Variants in ZNF638 observed in about 807,000 individuals in gnomAD.
The protein encoded by ZNF638 is zinc finger protein 638.
In ZNF638, 46 loss-of-function variants were observed where a neutral mutation model predicts 195.6. The ratio of observed to expected loss-of-function variants is 0.24; its 90% CI spans 0.19 to 0.30. The LOEUF (loss-of-function observed/expected upper bound fraction) is 0.30, where lower values mean the gene tolerates loss of function less well. Among genes scored for constraint, ZNF638 ranks in the 10% least tolerant of loss-of-function variants. The probability of loss-of-function intolerance (pLI) is 1.00; values close to 1 mark genes in which losing one functional copy is unlikely to be tolerated. For synonymous variants in ZNF638, 845 were observed against 772.0 expected (o/e 1.09, Z -1.57); for missense variants, 2,440 against 2,325.3 (o/e 1.05, Z -1.01).
At chr2:71,405,079 T>A (rs1291625640) in intron 17 of ZNF638, among the ~76,000 whole-genome samples, 1 of 151,956 alleles carries the variant, frequency 6.6e-6, no homozygotes. Flanking sequence ...GGATCCTCAG[T>A]CTTATAAAGT....
Position 71,427,275 on chromosome 2 carries a change from C to G in ZNF638, c.5406C>G (p.Pro1802=). 6.2e-7 allele frequency: 1 copy of G among 1,613,222 alleles called. No homozygotes were observed. Among genetic ancestry groups the G allele is most frequent in the Non-Finnish European group, 8.5e-7 (1 of 1,179,832 alleles). ...TAGCACAAAGCAAAAATGACCATCC[C>G]ACAGATAAAAAAGGGAATAGAAAGA... The part of the protein sequence containing the change: ...VELAQSKNDH[P]TDKKGNRKKR... Residue 1802 remains proline (P), a synonymous_variant, in exon 24 of 28, where the codon CCC becomes CCG. Transcript: ENST00000264447.
intron 3 of ZNF638, among the ~76,000 whole-genome samples, chr2:71,360,191 G>GA (rs749410826): frequency 1.6e-4 from 24 of 152,140 alleles, no homozygotes; most frequent in Admixed American, 3.3e-4. Context: ...GAAAAAGGAA[G>GA]AAAAACATTT....
chr2:71,350,291 G>T lies in ZNF638; in HGVS notation c.1317+20G>T. On this transcript the variant is annotated intron_variant, in intron 2 of 27. Transcript: ENST00000264447. ...TTGAAGGTGAGTGTTTTTAAAAAAA[G>T]ATCACTGTATAATGATGCTCAGCGC... 3 of 1,592,766 alleles carry T rather than the reference G, an allele frequency of 1.9e-6. No homozygotes were observed. The highest frequency in any genetic ancestry group is 2.2e-5 in the East Asian group (1 of 44,810).
chr2:71,427,260 C>G lies in ZNF638; in HGVS notation c.5391C>G (p.Ser1797Arg). 1.2e-6 allele frequency: 2 copies of G among 1,612,728 alleles called. No individual in the cohort carries two copies. Among genetic ancestry groups the G allele is most frequent in the African/African-American group, 2.7e-5 (2 of 74,840 alleles). The change falls in exon 24 of 28, where the codon AGC (serine) becomes AGG (arginine). Residue 1797 changes from serine to arginine, a missense_variant. Transcript: ENST00000264447. ...ATTTAAAAGTTGAGTTAGCACAAAG[C>G]AAAAATGACCATCCCACAGATAAAA... is the stretch of plus-strand genomic sequence containing the variant. ...DNDLKVELAQSKNDHPTDKKG... is the reference protein window; with the variant it reads ...DNDLKVELAQRKNDHPTDKKG...
rs548281803 is a variant in ZNF638, at chr2:71,338,295, A to G, written c.-203+6420A>G. On this transcript the variant is annotated intron_variant, in intron 1 of 27. Coordinates refer to ENST00000264447, the MANE Select transcript of ZNF638 (RefSeq NM_014497.5). ...TTTTCTACTCCAACTGTTATTCTAC[A>G]TTTAGTAGTAGGTACTCAGCACTCT... 1.3e-3 allele frequency among the ~76,000 whole-genome samples: 202 copies of G among 152,316 alleles called. 1 individual carries two copies. Among genetic ancestry groups the G allele is most frequent in the African/African-American group, 4.7e-3 (194 of 41,570 alleles).
chr2:71,423,259 G>A lies in ZNF638; in HGVS notation c.3745G>A (p.Asp1249Asn). Residue 1249 changes from aspartate (D) to asparagine (N), a missense_variant, in exon 22 of 28, where the codon GAT becomes AAT. Asp to Asn is a conservative substitution (Grantham distance 23). Around this residue, in one of 5 missense-constraint regions of ZNF638, gnomAD observed 1,883 missense variants for 1,739.1 expected, o/e 1.08. Coordinates refer to ENST00000264447, the MANE Select transcript of ZNF638 (RefSeq NM_014497.5). ...ILEESPSEAE[D>N]FISGITQTMV... ...AGAAGAATCTCCATCTGAAGCAGAAGATTTCATTTCTGGAATTACACAGAC... is the reference window on the plus strand; with the variant it reads ...AGAAGAATCTCCATCTGAAGCAGAAAATTTCATTTCTGGAATTACACAGAC... 6.2e-7 allele frequency: 1 copy of A among 1,614,050 alleles called. No individual in the cohort carries two copies. Among genetic ancestry groups the A allele is most frequent in the Non-Finnish European group, 8.5e-7 (1 of 1,179,974 alleles).
rs891480087 is a variant in ZNF638 at position 71,365,579 on chromosome 2, C to G, written c.1868C>G (p.Thr623Arg). Residue 623 changes from threonine (T) to arginine (R), a missense_variant, in exon 6 of 28, where the codon ACA (threonine) becomes AGA (arginine). Transcript: ENST00000264447. ...GGAACAAAACCATCAGTTAAACCTACAAGCGCTACAAAGAGTGATTCAAAT... is the reference window on the plus strand; with the variant it reads ...GGAACAAAACCATCAGTTAAACCTAGAAGCGCTACAAAGAGTGATTCAAAT... ...SSGTKPSVKP[T>R]SATKSDSNLG... 8 of 1,614,136 alleles carry G rather than the reference C, an allele frequency of 5.0e-6. No individual in the cohort carries two copies. Among genetic ancestry groups the G allele is most frequent in the Non-Finnish European group, 6.8e-6 (8 of 1,180,020 alleles).
intron 21 of ZNF638, among the ~76,000 whole-genome samples, chr2:71,419,554 C>G (rs144078347): frequency 6.6e-6 from 1 of 151,948 alleles, no homozygotes; most frequent in Non-Finnish European, 1.5e-5. Context: ...TAAAATATAC[C>G]AGTAACATTA....
rs2080501014 is a variant in ZNF638, at chr2:71,424,672, A to G, written c.4547A>G (p.Lys1516Arg). ...NNKTLAEQNT[K>R]NPKSTTGRSS... Reference sequence around the variant, plus strand: ...CAGACTTTGGCTGAGCAAAACACTAAGAATCCTAAAAGCACTACTGGTAGA... The same window carrying G: ...CAGACTTTGGCTGAGCAAAACACTAGGAATCCTAAAAGCACTACTGGTAGA... The change falls in exon 23 of 28, where the codon AAG becomes AGG. Residue 1516 changes from lysine to arginine, a missense_variant. Around this residue, in one of 5 missense-constraint regions of ZNF638, gnomAD observed 1,883 missense variants for 1,739.1 expected, o/e 1.08. Transcript: ENST00000264447. 2 of 1,613,342 alleles carry G rather than the reference A, an allele frequency of 1.2e-6. No individual in the cohort carries two copies. The highest frequency in any genetic ancestry group is 2.2e-5 in the South Asian group (2 of 90,902).
chr2:71,395,599 C>T lies in ZNF638; in HGVS notation c.2378-542C>T, dbSNP rs987740472. On this transcript the variant is annotated intron_variant, in intron 10 of 27. Transcript: ENST00000264447. The stretch of plus-strand genomic sequence containing the variant: ...ATTGCGCGCAGGACTGCTCCCAAGG[C>T]GGTGGGGGTGACAATTACCTACAGA... 26 of 559,978 alleles carry T rather than the reference C, an allele frequency of 4.6e-5. 1 individual carries two copies. Among genetic ancestry groups the T allele is most frequent in the Admixed American group, 1.1e-4 (5 of 44,588 alleles). 34.7% of individuals were successfully genotyped at this position (559,978 alleles called of 1,614,324 possible). A position where few individuals can be genotyped will look rare whatever the true frequency, so the allele number is the denominator to read the frequency against.
intron 20 of ZNF638, among the ~76,000 whole-genome samples, chr2:71,411,472 TAA>T (rs2080223684): frequency 1.8e-4 from 16 of 88,552 alleles, no homozygotes; most frequent in Non-Finnish European, 1.7e-4. Flanking sequence ...TTTTTATTTT[TAA>T]TTTTTTTTTT....
rs2080553750 is a variant in ZNF638 at position 71,427,047 on chromosome 2, G to C, written c.5178G>C (p.Val1726=). Residue 1726 remains valine (V), a synonymous_variant, in exon 24 of 28, where the codon GTG becomes GTC. Coordinates refer to ENST00000264447, the MANE Select transcript of ZNF638 (RefSeq NM_014497.5). Reference sequence around the variant, plus strand: ...CCATTGGCTTCATTTCTTCTCAGGTGCCCGAAGACCCTTCTACTTTAGTTA... The same window carrying C: ...CCATTGGCTTCATTTCTTCTCAGGTCCCCGAAGACCCTTCTACTTTAGTTA... ...RDSIGFISSQ[V]PEDPSTLVTV... is the part of the protein sequence containing the mutation. 1 of 1,613,668 alleles carries C rather than the reference G, an allele frequency of 6.2e-7. No homozygotes were observed. Among genetic ancestry groups the C allele is most frequent in the Non-Finnish European group, 8.5e-7 (1 of 1,179,880 alleles).
chr2:71,345,008 T>C (rs950087389), intron 1 of ZNF638, among the ~76,000 whole-genome samples: 4 of 152,202 alleles, frequency 2.6e-5, no homozygotes, highest in African/African-American at 7.2e-5. Context: ...ATGGCTATAC[T>C]TTCTGCAGTT....
chr2:71,351,010 TCATTGGTAG>T (rs1336944786), intron 2 of ZNF638, among the ~76,000 whole-genome samples: 1 of 152,226 alleles, frequency 6.6e-6, no homozygotes, highest in East Asian at 1.9e-4. Context: ...TCAGTCGTAA[TCATTGGTAG>T]ATTTGAGCAG....
chr2:71,366,045 A>G (rs1409365689), intron 6 of ZNF638, among the ~76,000 whole-genome samples: 5 of 152,204 alleles, frequency 3.3e-5, no homozygotes, highest in Admixed American at 1.3e-4. Flanking sequence ...TACATTTGCT[A>G]TGACAAACAG....
At chr2:71,388,587 G>A (rs1046589235) in intron 10 of ZNF638, 1 of 773,412 alleles carries the variant, frequency 1.3e-6, no homozygotes. Context: ...CAAAATACCT[G>A]TGTCTGCGTA....
chr2:71,355,383 T>G (rs368682136), intron 2 of ZNF638, among the ~76,000 whole-genome samples: 1 of 152,148 alleles, frequency 6.6e-6, no homozygotes, highest in Non-Finnish European at 1.5e-5. Flanking sequence ...TTCTGGTGTG[T>G]TGTTTTTATA....
At chr2:71,355,282 G>A (rs1364980215) in intron 2 of ZNF638, among the ~76,000 whole-genome samples, 1 of 152,156 alleles carries the variant, frequency 6.6e-6, no homozygotes, top group Non-Finnish European at 1.5e-5. Context: ...GATGTTGTTA[G>A]CGTGAATTTT....
intron 8 of ZNF638, among the ~76,000 whole-genome samples, chr2:71,370,515 A>G (rs754846393): frequency 6.6e-6 from 1 of 152,196 alleles, no homozygotes; most frequent in Non-Finnish European, 1.5e-5. Flanking sequence ...TTCAGTTCAT[A>G]TGATCGTAGA....
Sources: allele counts gnomAD v4.1 joint callset (sites outside exome capture counted in the v4.1 genomes callset), GRCh38; gene constraint gnomAD v4.1.1; regional missense constraint gnomAD v4.1.1; transcripts MANE v1.5; gene names NCBI Gene and HGNC (gene_info 2026-07-23, HGNC 2026-07-21).